The following TAS2R1 variants were observed in gnomAD, a reference collection of about 807,000 sequenced individuals.
TAS2R1 encodes the protein taste receptor type 2 member 1.
For synonymous variants in TAS2R1, 141 were observed against 134.2 expected (o/e 1.05, Z -0.35); for missense variants, 370 against 353.4 (o/e 1.05, Z -0.38).
At chr5:9,660,052 A>ATTTTTTTTTTT (rs1579771915) in intron 1 of TAS2R1, 2 of 140,478 alleles carry the variant, frequency 1.4e-5, no homozygotes, top group Admixed American at 7.1e-5. Flanking sequence ...ATCCTGAAAT[A>ATTTTTTTTTTT]TTTCTTTTTT....
At chr5:9,767,123 C>T in the TAS2R1 span, among the ~76,000 whole-genome samples, 2 of 152,126 alleles carry the variant, frequency 1.3e-5, no homozygotes, top group South Asian at 4.1e-4. Context: ...TGGAAGACAC[C>T]TGTGATTTAA....
chr5:9,651,627 T>C (rs779297384), intron 2 of TAS2R1, among the ~76,000 whole-genome samples: 12 of 152,318 alleles, frequency 7.9e-5, no homozygotes, highest in Non-Finnish European at 1.8e-4. Context: ...CAAATTTTTA[T>C]AAACATATGT....
chr5:9,741,523 G>C, the TAS2R1 span, among the ~76,000 whole-genome samples: 1 of 152,134 alleles, frequency 6.6e-6, no homozygotes, highest in African/African-American at 2.4e-5. Flanking sequence ...ATGAAAACGA[G>C]AAAATTTGGG....
At chr5:9,748,316 C>T in the TAS2R1 span, among the ~76,000 whole-genome samples, 1 of 151,976 alleles carries the variant, frequency 6.6e-6, no homozygotes, top group Non-Finnish European at 1.5e-5. Context: ...CACTGCAGGT[C>T]TAAATTTATA....
chr5:9,863,329 G>C, the TAS2R1 span, among the ~76,000 whole-genome samples: 2 of 148,684 alleles, frequency 1.3e-5, no homozygotes, highest in African/African-American at 2.5e-5. Context: ...GTGCAGTAGC[G>C]TGATGATCTC....
the TAS2R1 span, among the ~76,000 whole-genome samples, chr5:9,724,344 C>CTTTTTTTTTTTTT: frequency 8.0e-6 from 1 of 124,682 alleles, no homozygotes; most frequent in Non-Finnish European, 1.8e-5. Flanking sequence ...ATGTTTCTTT[C>CTTTTTTTTTTTTT]TTTTTTTTTT....
the TAS2R1 span, among the ~76,000 whole-genome samples, chr5:9,828,346 G>A: frequency 2.6e-5 from 4 of 151,852 alleles, no homozygotes; most frequent in East Asian, 1.9e-4. Context: ...GGCTGGTCTC[G>A]AGCTCCTGAC....
the TAS2R1 span, among the ~76,000 whole-genome samples, chr5:9,877,018 C>T: frequency 1.3e-5 from 2 of 152,208 alleles, no homozygotes; most frequent in East Asian, 1.9e-4. Flanking sequence ...TCTAGAAAAA[C>T]ACACTTAATG....
intron 1 of TAS2R1, among the ~76,000 whole-genome samples, chr5:9,699,723 A>G (rs1253116678): frequency 6.6e-6 from 1 of 152,198 alleles, no homozygotes; most frequent in Non-Finnish European, 1.5e-5. Flanking sequence ...ACTGTCCGTC[A>G]GCCACCTTGC....
At chr5:9,836,042 C>G in the TAS2R1 span, among the ~76,000 whole-genome samples, 2 of 152,086 alleles carry the variant, frequency 1.3e-5, no homozygotes, top group Non-Finnish European at 2.9e-5. Flanking sequence ...GTAATTGAAT[C>G]ATGGGGGCAG....
At chr5:9,709,131 T>G (rs572482522) in intron 1 of TAS2R1, among the ~76,000 whole-genome samples, 57 of 150,208 alleles carry the variant, frequency 3.8e-4, no homozygotes, top group Middle Eastern at 3.5e-3. Context: ...CCATGGCACA[T>G]GTATACCTAC....
the TAS2R1 span, among the ~76,000 whole-genome samples, chr5:9,728,440 C>T: frequency 6.6e-6 from 1 of 152,244 alleles, no homozygotes; most frequent in Non-Finnish European, 1.5e-5. Context: ...TAGTCTTTTA[C>T]ACAGTCACTG....
intron 1 of TAS2R1, among the ~76,000 whole-genome samples, chr5:9,668,730 T>G (rs915789559): frequency 2.0e-5 from 3 of 152,130 alleles, no homozygotes; most frequent in Admixed American, 6.6e-5. Flanking sequence ...TTGTTACCAC[T>G]AGACCTGCCT....
chr5:9,896,640 G>A, the TAS2R1 span, among the ~76,000 whole-genome samples: 2 of 152,004 alleles, frequency 1.3e-5, no homozygotes, highest in African/African-American at 4.8e-5. Flanking sequence ...GCTTTACTTT[G>A]TGCCCCAAAA....
the TAS2R1 span, among the ~76,000 whole-genome samples, chr5:9,896,924 C>T: frequency 6.6e-6 from 1 of 152,150 alleles, no homozygotes; most frequent in Non-Finnish European, 1.5e-5. Flanking sequence ...GGCTCCGATC[C>T]CCAAGAAGTC....
At chr5:9,885,577 A>C in the TAS2R1 span, among the ~76,000 whole-genome samples, 3 of 152,246 alleles carry the variant, frequency 2.0e-5, no homozygotes, top group Non-Finnish European at 4.4e-5. Flanking sequence ...TGAACTAAAA[A>C]TGATATAAGT....
the TAS2R1 span, among the ~76,000 whole-genome samples, chr5:9,720,753 A>C: frequency 3.3e-5 from 5 of 152,222 alleles, no homozygotes; most frequent in Admixed American, 1.3e-4. Flanking sequence ...AGAGGGAAGG[A>C]GCAGAGAGAA....
At chr5:9,794,732 C>T in the TAS2R1 span, among the ~76,000 whole-genome samples, 1 of 152,136 alleles carries the variant, frequency 6.6e-6, no homozygotes, top group Admixed American at 6.5e-5. Context: ...AAAGGGGTCA[C>T]ATTTTGCTTT....
chr5:9,677,615 C>T (rs1740901197), intron 1 of TAS2R1, among the ~76,000 whole-genome samples: 2 of 152,130 alleles, frequency 1.3e-5, no homozygotes, highest in Admixed American at 1.3e-4. Flanking sequence ...CAAATTAAAA[C>T]ATTATGTTAC....
Sources: allele counts gnomAD v4.1 joint callset (sites outside exome capture counted in the v4.1 genomes callset), GRCh38; gene constraint gnomAD v4.1.1; transcripts MANE v1.5; gene names NCBI Gene and HGNC (gene_info 2026-07-23, HGNC 2026-07-21).